The following GALNT13 variants were observed in gnomAD, a reference collection of about 807,000 sequenced individuals.
GALNT13 encodes UDP-GalNAc:polypeptide N-acetylgalactosaminyltransferase 13.
In GALNT13, 28 loss-of-function variants were observed where a neutral mutation model predicts 64.2. The ratio of observed to expected loss-of-function variants is 0.44; its 90% CI spans 0.32 to 0.60. The LOEUF is 0.60. Among genes scored for constraint, GALNT13 ranks in the 20% least tolerant of loss-of-function variants. GALNT13 has a pLI of 0.05. For synonymous variants in GALNT13, 214 were observed against 224.6 expected (o/e 0.95, Z 0.42); for missense variants, 577 against 669.8 (o/e 0.86, Z 1.53).
the GALNT13 span, among the ~76,000 whole-genome samples, chr2:153,484,597 T>C: frequency 2.0e-5 from 3 of 152,162 alleles, no homozygotes; most frequent in African/African-American, 7.2e-5. Flanking sequence ...CAAACACCCA[T>C]TTTATCCTAA....
the GALNT13 span, among the ~76,000 whole-genome samples, chr2:153,689,232 A>G: frequency 6.6e-6 from 1 of 151,842 alleles, no homozygotes; most frequent in Non-Finnish European, 1.5e-5. Context: ...TTGTATTCCC[A>G]TTTTCATTCA....
the GALNT13 span, among the ~76,000 whole-genome samples, chr2:153,795,880 CT>C: frequency 6.6e-6 from 1 of 152,188 alleles, no homozygotes; most frequent in Non-Finnish European, 1.5e-5. Context: ...CTTAAGCTAT[CT>C]GTGGCATATT....
chr2:154,455,078 T>A (rs1322779770), downstream of GALNT13, among the ~76,000 whole-genome samples: 1 of 152,120 alleles, frequency 6.6e-6, no homozygotes, highest in African/African-American at 2.4e-5. Flanking sequence ...TTTGCCATGG[T>A]GCTTAGAAAC....
rs868288963 is a variant in GALNT13, at chr2:154,252,496, A to G, written c.857+6514A>G. ...CTCAGCCTCCCAAGTAGCTGGGACT[A>G]CAGGTGCCCGCCACCATGCCCGGCT... On this transcript the variant is annotated intron_variant, in intron 7 of 12. Coordinates refer to ENST00000392825, the MANE Select transcript of GALNT13 (RefSeq NM_052917.4). 2.6e-5 allele frequency among the ~76,000 whole-genome samples: 4 copies of G among 151,540 alleles called. 1 individual carries two copies. In the South Asian group the frequency reaches 8.3e-4, roughly 32 times the overall value.
chr2:154,363,145 T>C (rs956263732), intron 9 of GALNT13, among the ~76,000 whole-genome samples: 2 of 152,186 alleles, frequency 1.3e-5, no homozygotes, highest in Non-Finnish European at 2.9e-5. Context: ...TTGCTAACTT[T>C]TTCTCGCACT....
intron 3 of GALNT13, among the ~76,000 whole-genome samples, chr2:154,074,631 CA>C (rs1269225093): frequency 2.0e-5 from 3 of 151,714 alleles, no homozygotes; most frequent in Non-Finnish European, 4.4e-5. Flanking sequence ...AGAGATACAA[CA>C]AAAACAGAAA....
At chr2:154,445,724 G>T in intron 12 of GALNT13, 1 of 874,624 alleles carries the variant, frequency 1.1e-6, no homozygotes, top group Non-Finnish European at 1.6e-6. Flanking sequence ...TGTTCATTAA[G>T]CTGCCTGAGA....
the GALNT13 span, among the ~76,000 whole-genome samples, chr2:153,621,380 C>T: frequency 6.6e-6 from 1 of 152,078 alleles, no homozygotes; most frequent in African/African-American, 2.4e-5. Flanking sequence ...ATCCCAATGA[C>T]TGTATTGGGT....
intron 3 of GALNT13, among the ~76,000 whole-genome samples, chr2:154,107,459 G>A (rs545302833): frequency 2.2e-4 from 33 of 151,476 alleles, no homozygotes; most frequent in African/African-American, 6.8e-4. Flanking sequence ...GCGTAGTGGC[G>A]CGTGCGTGTA....
intron 9 of GALNT13, among the ~76,000 whole-genome samples, chr2:154,366,210 C>T (rs1697352896): frequency 6.6e-6 from 1 of 152,040 alleles, no homozygotes; most frequent in Admixed American, 6.6e-5. Flanking sequence ...GTCCCAGATG[C>T]AGAAAGTCAT....
rs995640696 is a variant in GALNT13, at chr2:154,349,140, A to G, written c.1157-46851A>G. ...GTCTCCACAAATGTCCACATGAGCA[A>G]TCGTCAGTAAACAGGCACGTATAAT... On this transcript the variant is annotated intron_variant, in intron 9 of 12. Coordinates refer to ENST00000392825, the MANE Select transcript of GALNT13 (RefSeq NM_052917.4). Among the ~76,000 whole-genome samples the G allele has an allele frequency of 5.3e-5, 8 of 152,340 alleles. No homozygotes were observed. The East Asian group carries it at 1.4e-3, about 26-fold the overall frequency.
the GALNT13 span, among the ~76,000 whole-genome samples, chr2:153,273,796 C>T: frequency 6.6e-6 from 1 of 152,068 alleles, no homozygotes; most frequent in African/African-American, 2.4e-5. Flanking sequence ...TATCTGTTGG[C>T]CAAATAATAG....
At chr2:153,896,569 CT>C (rs1420160832) in intron 1 of GALNT13, among the ~76,000 whole-genome samples, 1 of 151,778 alleles carries the variant, frequency 6.6e-6, no homozygotes, top group African/African-American at 2.4e-5. Flanking sequence ...TTAACCTTTA[CT>C]TTTTTTCTGA....
intron 7 of GALNT13, among the ~76,000 whole-genome samples, chr2:154,253,409 T>TG (rs1363367490): frequency 2.0e-5 from 3 of 152,238 alleles, no homozygotes; most frequent in African/African-American, 7.2e-5. Flanking sequence ...CAACTTCTGG[T>TG]GAAAAACTCC....
the GALNT13 span, among the ~76,000 whole-genome samples, chr2:153,130,323 G>A: frequency 6.6e-6 from 1 of 152,116 alleles, no homozygotes; most frequent in Non-Finnish European, 1.5e-5. Flanking sequence ...TTCACTCAAA[G>A]TCAGAGTCAA....
At chr2:153,306,570 T>C in the GALNT13 span, among the ~76,000 whole-genome samples, 1 of 152,256 alleles carries the variant, frequency 6.6e-6, no homozygotes, top group Admixed American at 6.5e-5. Context: ...GTTTACCCAA[T>C]GCTAAAGGCA....
the GALNT13 span, among the ~76,000 whole-genome samples, chr2:153,676,806 G>C: frequency 6.6e-6 from 1 of 151,954 alleles, no homozygotes; most frequent in Non-Finnish European, 1.5e-5. Context: ...ATGTAGAAAA[G>C]GCCTTAAATA....
the GALNT13 span, among the ~76,000 whole-genome samples, chr2:153,505,655 A>G: frequency 6.6e-6 from 1 of 152,034 alleles, no homozygotes; most frequent in East Asian, 1.9e-4. Flanking sequence ...ATATATATAT[A>G]TGCATGGTTT....
chr2:153,933,775 C>T (rs999903058), intron 2 of GALNT13, among the ~76,000 whole-genome samples: 2 of 152,028 alleles, frequency 1.3e-5, no homozygotes, highest in African/African-American at 4.8e-5. Flanking sequence ...CCTTAAAGAC[C>T]TCTTGTAAAG....
Sources: gnomAD v4.1 joint callset for allele counts (sites outside exome capture counted in the v4.1 genomes callset) on GRCh38, gnomAD v4.1.1 for gene constraint, MANE v1.5 for transcripts, NCBI Gene and HGNC (gene_info 2026-07-23, HGNC 2026-07-21) for gene names.